ITGA11: variants seen among roughly 807,000 people sequenced by gnomAD.
ITGA11 encodes the protein integrin alpha-11.
In ITGA11, 97 loss-of-function variants were observed where a neutral mutation model predicts 141.9. That is an observed-to-expected ratio of 0.68 (90% CI 0.58 to 0.81). The LOEUF is 0.81. ITGA11 is among the 30% of genes least tolerant of loss of function. The pLI, the probability that ITGA11 is intolerant of heterozygous loss-of-function variation, is 0.00. For missense variants in ITGA11, 1,387 were observed against 1,559.2 expected (o/e 0.89, Z 1.86); for synonymous variants, 658 against 624.6 (o/e 1.05, Z -0.80).
intron 4 of ITGA11, among the ~76,000 whole-genome samples, chr15:68,364,390 G>A (rs956590813): frequency 2.0e-5 from 3 of 152,184 alleles, no homozygotes; most frequent in Non-Finnish European, 4.4e-5. Context: ...CAGACTTGTT[G>A]GCTATCTACA....
chr15:68,341,131 A>C (rs550072755), intron 10 of ITGA11, among the ~76,000 whole-genome samples: 1 of 152,288 alleles, frequency 6.6e-6, no homozygotes, highest in East Asian at 1.9e-4. Context: ...CTGTTCAGAC[A>C]GAATGTTTTT....
chr15:68,328,404 G>A lies in ITGA11; in HGVS notation c.1902-142C>T, dbSNP rs1894052376. ...TGAGGTGGAGGATGGAGGGGGCGAG[G>A]TGGAGGATGGAGGGGGCTTCGGATG... On this transcript the variant is annotated intron_variant, in intron 15 of 29. Transcript: ENST00000315757. This position sits in a 1 kb window ranked among gnomAD's most constrained non-coding sequence, Gnocchi z 4.8. 1.5e-6 allele frequency: 1 copy of A among 674,316 alleles called. No individual in the cohort carries two copies. The highest frequency in any genetic ancestry group is 1.9e-5 in the South Asian group (1 of 53,014). 41.8% of individuals were successfully genotyped at this position (674,316 alleles called of 1,614,324 possible). A position where few individuals can be genotyped will look rare whatever the true frequency, so the allele number is the denominator to read the frequency against.
In ITGA11 at chr15:68,339,488, C is replaced by G. The variant is rs545508889; in HGVS notation, c.1276+12G>C. ...CACGACCCGCCAGCCTCCCCTCACT[C>G]TGCGCTCTTACCCAGGTATGCACCA... On this transcript the variant is annotated intron_variant, in intron 11 of 29. Coordinates refer to ENST00000315757, the MANE Select transcript of ITGA11 (RefSeq NM_001004439.2). 1.1e-5 allele frequency: 17 copies of G among 1,609,240 alleles called. No individual in the cohort carries two copies. The highest frequency in any genetic ancestry group is 6.7e-5 in the East Asian group (3 of 44,682).
At chr15:68,359,977 C>T (rs1157633967) in intron 5 of ITGA11, among the ~76,000 whole-genome samples, 1 of 152,218 alleles carries the variant, frequency 6.6e-6, no homozygotes, top group East Asian at 1.9e-4. Context: ...GAAGTCAGTG[C>T]TGAGCAGACA....
In ITGA11 at chr15:68,303,424, G is replaced by C. The variant is rs1361004294; in HGVS notation, c.3496-294C>G. Among the ~76,000 whole-genome samples the C allele has an allele frequency of 6.6e-6, 1 of 152,198 alleles. No individual in the cohort carries two copies. Among genetic ancestry groups the C allele is most frequent in the Non-Finnish European group, 1.5e-5 (1 of 68,042 alleles). ...CTGTAACAGGAGGAGGCTGAGACCAGGGGTTTGTAACCAGAGCTTCAGAGA... is the reference window on the plus strand; with the variant it reads ...CTGTAACAGGAGGAGGCTGAGACCACGGGTTTGTAACCAGAGCTTCAGAGA... On this transcript the variant is annotated intron_variant, in intron 29 of 29. Transcript: ENST00000315757. This position sits in a 1 kb window ranked among gnomAD's most constrained non-coding sequence, Gnocchi z 5.3.
chr15:68,340,089 C>T (rs1245303101), intron 10 of ITGA11, among the ~76,000 whole-genome samples: 1 of 151,994 alleles, frequency 6.6e-6, no homozygotes. Flanking sequence ...CACGTAAATC[C>T]TACTCCTTGG....
intron 2 of ITGA11, among the ~76,000 whole-genome samples, chr15:68,374,348 A>C (rs1895673269): frequency 6.7e-6 from 1 of 148,786 alleles, no homozygotes; most frequent in African/African-American, 2.5e-5. Context: ...TGCATTCCAG[A>C]TGTTTCTGGT....
chr15:68,328,369 C>G lies in ITGA11; in HGVS notation c.1902-107G>C. The G allele has an allele frequency of 2.3e-6, 2 of 859,922 alleles. No individual in the cohort carries two copies. The highest frequency in any genetic ancestry group is 3.4e-6 in the Non-Finnish European group (2 of 590,252). The allele number at this position is 859,922 out of a possible 1,614,324, so 53.3% of individuals were successfully genotyped here. A position where few individuals can be genotyped will look rare whatever the true frequency, so the allele number is the denominator to read the frequency against. On this transcript the variant is annotated intron_variant, in intron 15 of 29. Coordinates refer to ENST00000315757, the MANE Select transcript of ITGA11 (RefSeq NM_001004439.2). The surrounding 1 kb of genome is among the most constrained non-coding windows in gnomAD (Gnocchi z 4.8). ...GATGCGAGTGGGATCTGCAAAGCCA[C>G]TGGAGGGGGTGAGGTGGAGGATGGA... is the stretch of plus-strand genomic sequence containing the variant.
intron 15 of ITGA11, 120 bp downstream of exon 15, chr15:68,330,861 G>T: frequency 9.3e-7 from 1 of 1,071,304 alleles, no homozygotes; most frequent in East Asian, 2.5e-5. Flanking sequence ...AGAACAGGGT[G>T]GGTCTAGCTG....
At chr15:68,306,986 T>G (rs1893220446) in intron 28 of ITGA11, among the ~76,000 whole-genome samples, 1 of 152,252 alleles carries the variant, frequency 6.6e-6, no homozygotes. Context: ...AAGACCTCAC[T>G]TCTCGTTGGG....
At chr15:68,415,588 T>A (rs1053835900) in intron 1 of ITGA11, among the ~76,000 whole-genome samples, 1 of 151,980 alleles carries the variant, frequency 6.6e-6, no homozygotes, top group Non-Finnish European at 1.5e-5. Context: ...CGGCAGGGAG[T>A]GGCTCTGAGC....
At chr15:68,357,770 T>C (rs1895115245) in intron 6 of ITGA11, among the ~76,000 whole-genome samples, 1 of 152,132 alleles carries the variant, frequency 6.6e-6, no homozygotes, top group Admixed American at 6.5e-5. Context: ...TCAAGACCTA[T>C]AGTAGGAATA....
intron 12 of ITGA11, among the ~76,000 whole-genome samples, chr15:68,332,792 G>T (rs1271428076): frequency 2.0e-5 from 3 of 152,158 alleles, no homozygotes; most frequent in African/African-American, 7.2e-5. Flanking sequence ...AAAAAATCAG[G>T]AGACTATTTA....
rs1893099300 is a variant in ITGA11 at position 68,303,658 on chromosome 15, G to A, written c.3495+114C>T. Reference sequence around the variant, plus strand: ...GTGTGTCTGCTATGGCGAGGGGTGGGGTGCCAGCTCCCCTGGAGAGGAGAA... The same window carrying A: ...GTGTGTCTGCTATGGCGAGGGGTGGAGTGCCAGCTCCCCTGGAGAGGAGAA... On this transcript the variant is annotated intron_variant, in intron 29 of 29. Coordinates refer to ENST00000315757, the MANE Select transcript of ITGA11 (RefSeq NM_001004439.2). This position sits in a 1 kb window ranked among gnomAD's most constrained non-coding sequence, Gnocchi z 5.3. 1 of 663,130 alleles carries A rather than the reference G, an allele frequency of 1.5e-6. No homozygotes were observed. Among genetic ancestry groups the A allele is most frequent in the East Asian group, 2.8e-5 (1 of 36,092 alleles). The allele number at this position is 663,130 out of a possible 1,614,324, so 41.1% of individuals were successfully genotyped here. A position where few individuals can be genotyped will look rare whatever the true frequency, so the allele number is the denominator to read the frequency against.
At chr15:68,332,303 A>ATC in intron 13 of ITGA11, 35 bp downstream of exon 13, 1 of 1,578,534 alleles carries the variant, frequency 6.3e-7, no homozygotes, top group Non-Finnish European at 8.6e-7. Flanking sequence ...GGTTGGGGGC[A>ATC]CCTGAGAAGC....
chr15:68,401,086 G>T (rs1326993465), intron 2 of ITGA11, among the ~76,000 whole-genome samples: 2 of 147,742 alleles, frequency 1.4e-5, no homozygotes, highest in Admixed American at 1.4e-4. Flanking sequence ...TACAAAAATG[G>T]CCATTAAATT....
chr15:68,361,581 G>A lies in ITGA11; in HGVS notation c.472+9C>T. The A allele has an allele frequency of 6.3e-7, 1 of 1,577,666 alleles. No homozygotes were observed. The highest frequency in any genetic ancestry group is 8.6e-7 in the Non-Finnish European group (1 of 1,156,270). ...CTCAGCTTGAGGTTGCAGATTTGAA[G>A]CCACTTACTTTGGAGAGCTGGGGCC... is the stretch of plus-strand genomic sequence containing the variant. On this transcript the variant is annotated intron_variant, in intron 5 of 29. Transcript: ENST00000315757.
At chr15:68,423,788 G>A (rs1000654928) in intron 1 of ITGA11, among the ~76,000 whole-genome samples, 5 of 152,040 alleles carry the variant, frequency 3.3e-5, no homozygotes, top group East Asian at 1.9e-4. Context: ...GTCCCACCCC[G>A]CAGGCCGGCC....
At chr15:68,330,501 G>A (rs1265452599) in intron 15 of ITGA11, among the ~76,000 whole-genome samples, 1 of 140,150 alleles carries the variant, frequency 7.1e-6, no homozygotes, top group African/African-American at 2.7e-5. Context: ...TTTTTTTTTG[G>A]CTCAAAAAGC....
Sources: allele counts gnomAD v4.1 joint callset (sites outside exome capture counted in the v4.1 genomes callset), GRCh38; gene constraint gnomAD v4.1.1; non-coding constraint Gnocchi (gnomAD v3.1); transcripts MANE v1.5; gene names NCBI Gene and HGNC (gene_info 2026-07-23, HGNC 2026-07-21).